The following HIVEP2 variants were observed in gnomAD, a reference collection of about 807,000 sequenced individuals.
The protein encoded by HIVEP2 is HIVEP zinc finger 2, also known as transcription factor HIVEP2.
A neutral mutation model predicts 180.7 loss-of-function variants in HIVEP2; 14 were observed. That is an observed-to-expected ratio of 0.08 (90% confidence interval 0.05 to 0.12). The LOEUF (loss-of-function observed/expected upper bound fraction) is 0.12, where lower values mean the gene tolerates loss of function less well. Among genes scored for constraint, HIVEP2 ranks in the 10% least tolerant of loss-of-function variants. HIVEP2 has a pLI of 1.00. For synonymous variants in HIVEP2, 1,184 were observed against 1,136.4 expected (o/e 1.04, Z -0.84); for missense variants, 2,579 against 3,008.5 (o/e 0.86, Z 3.34).
chr6:142,823,510 C>T lies in HIVEP2; in HGVS notation c.-528+13425G>A, dbSNP rs534226139. ...AGAGAAGATTCAAGCAGCATTAATG[C>T]TTAGGTAAAAGAAAAGACTTAAGAG... is the stretch of plus-strand genomic sequence containing the variant. On this transcript the variant is annotated intron_variant, in intron 2 of 9. Coordinates refer to ENST00000367603, the MANE Select transcript of HIVEP2 (RefSeq NM_006734.4). 1.8e-4 allele frequency among the ~76,000 whole-genome samples: 27 copies of T among 152,246 alleles called. No homozygotes were observed. The South Asian group carries it at 5.2e-3, about 29-fold the overall frequency.
chr6:142,938,598 T>C (rs1778107547), intron 1 of HIVEP2, among the ~76,000 whole-genome samples: 1 of 152,260 alleles, frequency 6.6e-6, no homozygotes, highest in Non-Finnish European at 1.5e-5. Flanking sequence ...TGGTTTTCTA[T>C]GATTTGTATA....
At chr6:142,865,746 T>C (rs895025889) in intron 1 of HIVEP2, among the ~76,000 whole-genome samples, 1 of 152,174 alleles carries the variant, frequency 6.6e-6, no homozygotes, top group Non-Finnish European at 1.5e-5. Flanking sequence ...GCAGACGATT[T>C]CTAGAAGATA....
intron 1 of HIVEP2, among the ~76,000 whole-genome samples, chr6:142,901,648 A>C (rs1353237977): frequency 6.6e-6 from 1 of 152,160 alleles, no homozygotes; most frequent in East Asian, 1.9e-4. Context: ...TAAATAAAAC[A>C]ATTTTGATTT....
In HIVEP2 at chr6:142,764,862, G is replaced by C; in HGVS notation, c.5455C>G (p.Arg1819Gly). ...TAAGGCCGAACATCAGTATGGGTACGGATGTGTTTTTTGAGCATGCTTGGC... is the reference window on the plus strand; with the variant it reads ...TAAGGCCGAACATCAGTATGGGTACCGATGTGTTTTTTGAGCATGCTTGGC... ...KKPSMLKKHI[R>G]THTDVRPYVC... The change falls in exon 7 of 10, where the codon CGT becomes GGT. Residue 1819 changes from arginine (R) to glycine (G), a missense_variant. Physicochemically the swap from Arg to Gly is moderately radical, Grantham distance 125 (BLOSUM62 -2). Coordinates refer to ENST00000367603, the MANE Select transcript of HIVEP2 (RefSeq NM_006734.4). 3 of 1,613,824 alleles carry C rather than the reference G, an allele frequency of 1.9e-6. No homozygotes were observed. The highest frequency in any genetic ancestry group is 2.5e-6 in the Non-Finnish European group (3 of 1,179,768).
chr6:142,835,974 T>G (rs555541105), intron 2 of HIVEP2, among the ~76,000 whole-genome samples: 11 of 152,230 alleles, frequency 7.2e-5, no homozygotes, highest in Non-Finnish European at 1.5e-4. Context: ...TTAGAAGCTG[T>G]CTTCCCAGAT....
chr6:142,786,026 A>G (rs1006993685), intron 2 of HIVEP2, among the ~76,000 whole-genome samples: 9 of 152,160 alleles, frequency 5.9e-5, no homozygotes, highest in Non-Finnish European at 1.2e-4. Flanking sequence ...TGGCCTCTAC[A>G]TGGGACTTGG....
At chr6:142,855,073 A>G (rs2114935624) in intron 1 of HIVEP2, among the ~76,000 whole-genome samples, 1 of 152,300 alleles carries the variant, frequency 6.6e-6, no homozygotes, top group East Asian at 1.9e-4. Context: ...TTTCTTCCCA[A>G]AAGGTAAAGA....
chr6:142,845,659 G>C (rs919955857), intron 1 of HIVEP2, among the ~76,000 whole-genome samples: 1 of 152,212 alleles, frequency 6.6e-6, no homozygotes, highest in Non-Finnish European at 1.5e-5. Context: ...GATTTCCCGA[G>C]CCAGAATTGA....
chr6:142,904,998 C>T (rs190509499), intron 1 of HIVEP2, among the ~76,000 whole-genome samples: 2 of 152,210 alleles, frequency 1.3e-5, no homozygotes, highest in African/African-American at 4.8e-5. Flanking sequence ...TTGTTAAAAC[C>T]GACTTAATTA....
chr6:142,842,517 C>T (rs547040907), intron 1 of HIVEP2, among the ~76,000 whole-genome samples: 1 of 151,902 alleles, frequency 6.6e-6, no homozygotes, highest in South Asian at 2.1e-4. Context: ...CAAATAAGAA[C>T]TGAAACTGTT....
chr6:142,772,526 A>C lies in HIVEP2; in HGVS notation c.2213T>G (p.Val738Gly). 1 of 1,613,820 alleles carries C rather than the reference A, an allele frequency of 6.2e-7. No individual in the cohort carries two copies. The highest frequency in any genetic ancestry group is 8.5e-7 in the Non-Finnish European group (1 of 1,179,978). ...YDPKLQMQEG[V>G]RSGFAMAGHE... ...TCCAGCCATGGCAAATCCACTCCTG[A>C]CTCCTTCCTGCATCTGCAGTTTGGG... Residue 738 changes from valine (V) to glycine (G), a missense_variant, in exon 5 of 10, where the codon GTC becomes GGC. Val to Gly is a moderately radical substitution (Grantham distance 109). Around this residue, in one of 11 missense-constraint regions of HIVEP2, gnomAD observed 524 missense variants for 563.6 expected, o/e 0.93. Transcript: ENST00000367603. The surrounding 1 kb of genome is among the most constrained non-coding windows in gnomAD (Gnocchi z 4.9).
chr6:142,892,924 A>C (rs1490459585), intron 1 of HIVEP2, among the ~76,000 whole-genome samples: 1 of 152,186 alleles, frequency 6.6e-6, no homozygotes, highest in Non-Finnish European at 1.5e-5. Flanking sequence ...CGTACCAAAA[A>C]GGAAAGTGGA....
At chr6:142,910,435 T>C (rs1204697466) in intron 1 of HIVEP2, among the ~76,000 whole-genome samples, 2 of 152,084 alleles carry the variant, frequency 1.3e-5, no homozygotes, top group Non-Finnish European at 2.9e-5. Flanking sequence ...ACCCCATCTC[T>C]ACTAAAAAAC....
chr6:142,874,417 T>C (rs1469641424), intron 1 of HIVEP2, among the ~76,000 whole-genome samples: 4 of 152,142 alleles, frequency 2.6e-5, no homozygotes, highest in Non-Finnish European at 5.9e-5. Context: ...CCATATAAAT[T>C]AGTAAGCAGA....
chr6:142,788,999 T>TA (rs1347094184), intron 2 of HIVEP2, among the ~76,000 whole-genome samples: 1 of 152,152 alleles, frequency 6.6e-6, no homozygotes, highest in Non-Finnish European at 1.5e-5. Flanking sequence ...TCAGATGAAA[T>TA]AAAAATACAA....
intron 1 of HIVEP2, among the ~76,000 whole-genome samples, chr6:142,937,384 C>T (rs1247539012): frequency 3.3e-5 from 5 of 152,106 alleles, no homozygotes; most frequent in South Asian, 2.1e-4. Context: ...AGGTATTAAA[C>T]GTTTACTATG....
intron 2 of HIVEP2, among the ~76,000 whole-genome samples, chr6:142,805,521 C>T (rs1471997430): frequency 6.6e-6 from 1 of 151,784 alleles, no homozygotes; most frequent in Non-Finnish European, 1.5e-5. Context: ...GGAATCCTGC[C>T]TTCCTTTGCT....
intron 1 of HIVEP2, among the ~76,000 whole-genome samples, chr6:142,900,404 C>T (rs1777106059): frequency 6.6e-6 from 1 of 152,182 alleles, no homozygotes; most frequent in Non-Finnish European, 1.5e-5. Flanking sequence ...CACCTCACCA[C>T]CCTGGGCCAC....
chr6:142,891,376 C>T (rs915685812), intron 1 of HIVEP2, among the ~76,000 whole-genome samples: 5 of 151,200 alleles, frequency 3.3e-5, no homozygotes, highest in Non-Finnish European at 5.9e-5. Flanking sequence ...CACTGTACAT[C>T]TATCTCATCA....
Sources: gnomAD v4.1 joint callset for allele counts (sites outside exome capture counted in the v4.1 genomes callset) on GRCh38, gnomAD v4.1.1 for gene constraint, gnomAD v4.1.1 regional missense constraint, Gnocchi (gnomAD v3.1) non-coding constraint, MANE v1.5 for transcripts, NCBI Gene and HGNC (gene_info 2026-07-23, HGNC 2026-07-21) for gene names.